The following SMAD2 variants were observed in gnomAD, a reference collection of about 807,000 sequenced individuals.
SMAD2 encodes the protein MAD homolog 2.
SMAD2 carries 8 observed loss-of-function variants against 64.4 expected under a neutral mutation model. That is an observed-to-expected ratio of 0.12 (90% CI 0.07 to 0.22). The LOEUF (loss-of-function observed/expected upper bound fraction) is 0.22. SMAD2 is among the 10% of genes least tolerant of loss of function. The pLI is 1.00. For synonymous variants in SMAD2, 203 were observed against 195.8 expected (o/e 1.04, Z -0.31); for missense variants, 289 against 561.2 (o/e 0.51, Z 4.90).
In SMAD2 at chr18:47,828,399, C is replaced by T. The variant is rs1912852796; in HGVS notation, c.*13428G>A. ...CCGCCCCGTCTGGGAAGTGAGGAGC[C>T]CCTCTGCCCGGCCGCCACCCTGTCT... On this transcript the variant is annotated 3_prime_UTR_variant, in exon 11 of 11. Transcript: ENST00000262160. 1 of 157,328 alleles carries T rather than the reference C, an allele frequency of 6.4e-6. No individual in the cohort carries two copies. Among genetic ancestry groups the T allele is most frequent in the African/African-American group, 2.5e-5 (1 of 40,550 alleles). 9.7% of individuals were successfully genotyped at this position (157,328 alleles called of 1,614,324 possible). A position where few individuals can be genotyped will look rare whatever the true frequency, so the allele number is the denominator to read the frequency against.
chr18:47,845,517 A>G (rs2144288646), intron 9 of SMAD2, 33 bp from the exon 10 acceptor site: 1 of 1,604,026 alleles, frequency 6.2e-7, no homozygotes, highest in East Asian at 2.2e-5. Flanking sequence ...AAATTGTCAA[A>G]AGAGTATCAT....
intron 2 of SMAD2, among the ~76,000 whole-genome samples, chr18:47,876,320 A>G (rs957947994): frequency 1.3e-5 from 2 of 152,074 alleles, no homozygotes; most frequent in Non-Finnish European, 2.9e-5. Flanking sequence ...TTACTAACAA[A>G]TTAATGTGAA....
intron 2 of SMAD2, among the ~76,000 whole-genome samples, chr18:47,872,581 G>C (rs1186444982): frequency 6.6e-6 from 1 of 152,136 alleles, no homozygotes; most frequent in Non-Finnish European, 1.5e-5. Flanking sequence ...TTAGGAACCA[G>C]GACACACAGC....
rs1465752059 is a variant in SMAD2, at chr18:47,822,065, T to A, written c.*19762A>T. 1.3e-5 allele frequency: 2 copies of A among 152,246 alleles called. No individual in the cohort carries two copies. The highest frequency in any genetic ancestry group is 2.9e-5 in the Non-Finnish European group (2 of 68,032). The allele number at this position is 152,246 out of a possible 1,614,324, so 9.4% of individuals were successfully genotyped here. A position where few individuals can be genotyped will look rare whatever the true frequency, so the allele number is the denominator to read the frequency against. The stretch of plus-strand genomic sequence containing the variant: ...GGCTTCTTTGATGTATTAAATTGTA[T>A]GAAAAGCATTGTCTAATGATGTAAT... On this transcript the variant is annotated 3_prime_UTR_variant, in exon 11 of 11. Coordinates refer to ENST00000262160, the MANE Select transcript of SMAD2 (RefSeq NM_005901.6).
intron 2 of SMAD2, among the ~76,000 whole-genome samples, chr18:47,883,324 T>C: frequency 6.6e-6 from 1 of 152,238 alleles, no homozygotes. Context: ...CTTATTGGTA[T>C]TAATTTCTTA....
chr18:47,893,777 AGCTACAGTGTGTAAAAAGTTAAAATTTT>A (rs1389194193), intron 2 of SMAD2, among the ~76,000 whole-genome samples: 1 of 152,208 alleles, frequency 6.6e-6, no homozygotes, highest in Non-Finnish European at 1.5e-5. Flanking sequence ...TATGGCACTA[AGCTACAGTGTGTAAAAAGTTAAAATTTT>A]TTTGATAGAC....
chr18:47,906,504 A>T (rs2033909495), intron 1 of SMAD2, among the ~76,000 whole-genome samples: 1 of 152,228 alleles, frequency 6.6e-6, no homozygotes, highest in Non-Finnish European at 1.5e-5. Context: ...ACGCAAACTA[A>T]AACCATAATG....
intron 1 of SMAD2, among the ~76,000 whole-genome samples, chr18:47,901,517 TGTC>T (rs1371020893): frequency 6.6e-6 from 1 of 152,160 alleles, no homozygotes; most frequent in East Asian, 1.9e-4. Flanking sequence ...TTTTCTTTCT[TGTC>T]TTCTTCTGAA....
Position 47,833,290 on chromosome 18 carries a change from CT to C in SMAD2, c.*8536del, listed in dbSNP as rs1386374545. Reference sequence around the variant, plus strand: ...GTAAGCAATGTTTTCTTAAGCAGAACTTTTTTTGTACTTTAAATAGACTAAA... The same window carrying C: ...GTAAGCAATGTTTTCTTAAGCAGAACTTTTTTGTACTTTAAATAGACTAAA... On this transcript the variant is annotated 3_prime_UTR_variant, in exon 11 of 11. Coordinates refer to ENST00000262160, the MANE Select transcript of SMAD2 (RefSeq NM_005901.6). The C allele has an allele frequency of 3.2e-5, 7 of 217,724 alleles. No individual in the cohort carries two copies. Among genetic ancestry groups the C allele is most frequent in the East Asian group, 6.8e-5 (1 of 14,786 alleles). 13.5% of individuals were successfully genotyped at this position (217,724 alleles called of 1,614,324 possible).
rs145809505 is a variant in SMAD2, at chr18:47,903,974, T to C, written c.-53-7165A>G. ...AAAGACAATGGGGAACAAAAAAATG[T>C]ATGAAGAGATAATGGCCATAAACTT... On this transcript the variant is annotated intron_variant, in intron 1 of 10. Transcript: ENST00000262160. Among the ~76,000 whole-genome samples, 34 of 150,046 alleles carry C rather than the reference T, an allele frequency of 2.3e-4. No individual in the cohort carries two copies. The East Asian group carries it at 5.1e-3, about 23-fold the overall frequency.
Position 47,827,727 on chromosome 18 carries a change from C to T in SMAD2, c.*14100G>A, listed in dbSNP as rs773909021. ...CAGCTCCTGACCGCGCATGATCTGC[C>T]CGCCTGGGCCTCCCGAGGTGCTGGG... On this transcript the variant is annotated 3_prime_UTR_variant, in exon 11 of 11. Coordinates refer to ENST00000262160, the MANE Select transcript of SMAD2 (RefSeq NM_005901.6). 1.8e-5 allele frequency: 3 copies of T among 167,910 alleles called. No individual in the cohort carries two copies. The highest frequency in any genetic ancestry group is 3.7e-5 in the Non-Finnish European group (3 of 80,214). The allele number at this position is 167,910 out of a possible 1,614,324, so 10.4% of individuals were successfully genotyped here.
At chr18:47,896,383 A>C in intron 2 of SMAD2, 138 bp downstream of exon 2, 3 of 869,224 alleles carry the variant, frequency 3.5e-6, no homozygotes, top group Non-Finnish European at 5.5e-6. Context: ...GCTAGCAAAA[A>C]CAATTTATAC....
At position 47,816,165 on chromosome 18, in the gene SMAD2, A is replaced by G. The variant is rs1912358914; in HGVS notation, c.*25662T>C. 6.6e-6 allele frequency: 1 copy of G among 152,226 alleles called. No homozygotes were observed. The highest frequency in any genetic ancestry group is 6.5e-5 in the Admixed American group (1 of 15,278). 9.4% of individuals were successfully genotyped at this position (152,226 alleles called of 1,614,324 possible). ...CTCCCATGCCACATTTAGTCAAGAC[A>G]ACAATAACAAAAGGCTTTCTTCAGG... is the stretch of plus-strand genomic sequence containing the variant. On this transcript the variant is annotated 3_prime_UTR_variant, in exon 11 of 11. Coordinates refer to ENST00000262160, the MANE Select transcript of SMAD2 (RefSeq NM_005901.6).
rs2031453382 is a variant in SMAD2, at chr18:47,864,983, C to A, written c.730+76G>T. 9.2e-5 allele frequency: 79 copies of A among 858,724 alleles called. 4 individuals are homozygous for A. Among genetic ancestry groups the A allele is most frequent in the South Asian group, 4.9e-4 (36 of 72,824 alleles). The allele number at this position is 858,724 out of a possible 1,614,324, so 53.2% of individuals were successfully genotyped here. On this transcript the variant is annotated intron_variant, in intron 6 of 10. Coordinates refer to ENST00000262160, the MANE Select transcript of SMAD2 (RefSeq NM_005901.6). ...TCAACTTCTCTAAATTTAAGAGTAA[C>A]ATCTTTTGTGAATTTCAAACAATAC...
intron 2 of SMAD2, among the ~76,000 whole-genome samples, chr18:47,884,448 T>C (rs2032777382): frequency 2.0e-5 from 3 of 152,136 alleles, no homozygotes; most frequent in Admixed American, 2.0e-4. Context: ...ATTATTAACA[T>C]TATTCCGCCC....
chr18:47,912,129 ACAGGAAAC>A (rs2034161090), intron 1 of SMAD2: 1 of 152,240 alleles, frequency 6.6e-6, no homozygotes, highest in Non-Finnish European at 1.5e-5. Flanking sequence ...TTTTCTAAAG[ACAGGAAAC>A]GTTTTAGGAG....
At chr18:47,858,291 A>G (rs2030890850) in intron 6 of SMAD2, among the ~76,000 whole-genome samples, 1 of 152,216 alleles carries the variant, frequency 6.6e-6, no homozygotes, top group South Asian at 2.1e-4. Context: ...TCTGAAATGA[A>G]AAATTCATTT....
rs1787182 is a variant in SMAD2, at chr18:47,823,187, G to T, written c.*18640C>A. ...AATTAAAAATTATCATTTCCTGGCA[G>T]GCCCAGGAACCTTAAAACTATAGGT... On this transcript the variant is annotated 3_prime_UTR_variant, in exon 11 of 11. Transcript: ENST00000262160. 6.6e-6 allele frequency: 1 copy of T among 152,062 alleles called. No individual in the cohort carries two copies. Among genetic ancestry groups the T allele is most frequent in the Non-Finnish European group, 1.5e-5 (1 of 68,014 alleles). The allele number at this position is 152,062 out of a possible 1,614,324, so 9.4% of individuals were successfully genotyped here.
rs1481642432 is a variant in SMAD2, at chr18:47,840,711, T to A, written c.*1116A>T. 4.3e-6 allele frequency: 1 copy of A among 231,314 alleles called. No individual in the cohort carries two copies. Among genetic ancestry groups the A allele is most frequent in the Non-Finnish European group, 8.6e-6 (1 of 116,938 alleles). The allele number at this position is 231,314 out of a possible 1,614,324, so 14.3% of individuals were successfully genotyped here. ...GGCCCATTTCATAATGCAATCTGGTTACTAAACCAAATCAAACTACTCGAA... is the reference window on the plus strand; with the variant it reads ...GGCCCATTTCATAATGCAATCTGGTAACTAAACCAAATCAAACTACTCGAA... On this transcript the variant is annotated 3_prime_UTR_variant, in exon 11 of 11. Transcript: ENST00000262160.
Sources: gnomAD v4.1 joint callset for allele counts (sites outside exome capture counted in the v4.1 genomes callset) on GRCh38, gnomAD v4.1.1 for gene constraint, MANE v1.5 for transcripts, NCBI Gene and HGNC (gene_info 2026-07-23, HGNC 2026-07-21) for gene names.